The following IMPG1 variants were observed in gnomAD, a reference collection of about 807,000 sequenced individuals.
IMPG1 encodes the protein interphotoreceptor matrix proteoglycan of 150 kDa.
IMPG1 carries 85 observed loss-of-function variants against 92.0 expected under a neutral mutation model. The ratio of observed to expected loss-of-function variants is 0.92; its 90% CI spans 0.78 to 1.11. The LOEUF is 1.11. Among genes scored for constraint, IMPG1 ranks in the 50% least tolerant of loss-of-function variants. The pLI, the probability that IMPG1 is intolerant of heterozygous loss-of-function variation, is 0.00. For synonymous variants in IMPG1, 367 were observed against 334.1 expected, an observed-to-expected ratio of 1.10 and a Z score of -1.08; for missense variants, 1,022 against 956.0, an observed-to-expected ratio of 1.07 and a Z score of -0.91.
At chr6:75,948,923 C>A (rs1781978845) in intron 13 of IMPG1, among the ~76,000 whole-genome samples, 1 of 152,144 alleles carries the variant, frequency 6.6e-6, no homozygotes, top group Non-Finnish European at 1.5e-5. Context: ...AATGACCCAG[C>A]TTTGACCATG....
At chr6:75,964,406 C>G (rs1298013567) in intron 12 of IMPG1, among the ~76,000 whole-genome samples, 1 of 152,064 alleles carries the variant, frequency 6.6e-6, no homozygotes, top group Non-Finnish European at 1.5e-5. Flanking sequence ...AGGCTGGGCA[C>G]AGTGGCTCAC....
intron 12 of IMPG1, among the ~76,000 whole-genome samples, chr6:75,965,795 G>A (rs943915749): frequency 2.6e-5 from 4 of 151,842 alleles, no homozygotes; most frequent in African/African-American, 9.7e-5. Context: ...TTTTAGTAGA[G>A]ACAGGGTTTC....
At chr6:76,060,801 G>T (rs944847973) in intron 1 of IMPG1, among the ~76,000 whole-genome samples, 2 of 152,110 alleles carry the variant, frequency 1.3e-5, no homozygotes, top group Admixed American at 1.3e-4. Context: ...CGGTGTGGAT[G>T]GAGACCTCAC....
intron 1 of IMPG1, among the ~76,000 whole-genome samples, chr6:76,067,005 TAG>T (rs915798862): frequency 3.8e-4 from 58 of 151,088 alleles, no homozygotes; most frequent in African/African-American, 1.3e-3. Flanking sequence ...CTTACGAAAA[TAG>T]AGACACAACA....
intron 12 of IMPG1, among the ~76,000 whole-genome samples, chr6:75,957,013 G>A (rs1025476453): frequency 1.3e-5 from 2 of 152,022 alleles, no homozygotes; most frequent in Admixed American, 6.6e-5. Flanking sequence ...TCTGCCTCCC[G>A]GGTTTAAGCA....
At chr6:75,980,054 C>G (rs544531321) in intron 12 of IMPG1, among the ~76,000 whole-genome samples, 7 of 152,266 alleles carry the variant, frequency 4.6e-5, no homozygotes, top group African/African-American at 1.7e-4. Context: ...AAGAGTAGGT[C>G]TGATCAACTA....
intron 5 of IMPG1, 34 bp downstream of exon 5, chr6:76,025,160 A>C (rs377618493): frequency 1.9e-5 from 24 of 1,292,976 alleles, no homozygotes; most frequent in African/African-American, 2.9e-5. Flanking sequence ...TTTGAATGAA[A>C]GTTGAGAAGC....
rs896132475 is a variant in IMPG1 at position 76,071,006 on chromosome 6, T to G, written c.67+1416A>C. On this transcript the variant is annotated intron_variant, in intron 1 of 16. Transcript: ENST00000369950. ...AGTAACATGTTAGGATTTTTTATTA[T>G]GCAATTACTGGACATTGTTTCCTAG... Among the ~76,000 whole-genome samples, 4 of 151,896 alleles carry G rather than the reference T, an allele frequency of 2.6e-5. No homozygotes were observed. The East Asian group carries it at 5.8e-4, about 22-fold the overall frequency.
In IMPG1 at chr6:75,967,788, A is replaced by G. The variant is rs941334296; in HGVS notation, c.1292-16694T>C. Among the ~76,000 whole-genome samples, 8 of 152,246 alleles carry G rather than the reference A, an allele frequency of 5.3e-5. 1 individual carries two copies. Among genetic ancestry groups the G allele is most frequent in the African/African-American group, 1.9e-4 (8 of 41,460 alleles). On this transcript the variant is annotated intron_variant, in intron 12 of 16. Coordinates refer to ENST00000369950, the MANE Select transcript of IMPG1 (RefSeq NM_001563.4). ...TTTATTGCAGCTGATCACATAGCTG[A>G]AGACAAGGGAGCAAAGTTGTAAGTG...
chr6:75,997,079 T>G (rs984674259), intron 12 of IMPG1, among the ~76,000 whole-genome samples: 1 of 152,218 alleles, frequency 6.6e-6, no homozygotes, highest in Non-Finnish European at 1.5e-5. Context: ...GTACCAAATT[T>G]GAGAGTTGAA....
At chr6:75,961,295 G>A (rs1022090701) in intron 12 of IMPG1, among the ~76,000 whole-genome samples, 3 of 152,128 alleles carry the variant, frequency 2.0e-5, no homozygotes, top group African/African-American at 7.2e-5. Context: ...GGCATGACCA[G>A]CAAATTCTTA....
At chr6:75,949,626 A>T (rs1781990188) in intron 13 of IMPG1, among the ~76,000 whole-genome samples, 1 of 152,042 alleles carries the variant, frequency 6.6e-6, no homozygotes, top group Non-Finnish European at 1.5e-5. Context: ...CTTACGTGAG[A>T]TCCAAGAACC....
At chr6:75,966,932 C>G (rs899093436) in intron 12 of IMPG1, among the ~76,000 whole-genome samples, 1 of 152,168 alleles carries the variant, frequency 6.6e-6, no homozygotes, top group Non-Finnish European at 1.5e-5. Flanking sequence ...AATCCCAGCA[C>G]TTTGTGAGGC....
At chr6:76,022,989 T>A (rs1358905988) in intron 5 of IMPG1, among the ~76,000 whole-genome samples, 1 of 152,138 alleles carries the variant, frequency 6.6e-6, no homozygotes, top group African/African-American at 2.4e-5. Flanking sequence ...TACTGAAAAA[T>A]GATTCAATCT....
At chr6:76,013,970 C>T (rs1783236555) in intron 7 of IMPG1, among the ~76,000 whole-genome samples, 1 of 152,180 alleles carries the variant, frequency 6.6e-6, no homozygotes, top group Non-Finnish European at 1.5e-5. Flanking sequence ...GTTTCATTCC[C>T]TGAACATAAG....
chr6:76,059,402 CT>C (rs11428800), intron 1 of IMPG1, among the ~76,000 whole-genome samples: 3,913 of 149,894 alleles, frequency 0.026, 139 homozygotes, highest in African/African-American at 0.087. Flanking sequence ...GACGTTACAC[CT>C]TTTTTTTTTA....
At chr6:75,956,450 T>C (rs1562347437) in intron 12 of IMPG1, among the ~76,000 whole-genome samples, 1 of 152,228 alleles carries the variant, frequency 6.6e-6, no homozygotes, top group Non-Finnish European at 1.5e-5. Flanking sequence ...ATATCCCCTT[T>C]AGCATTTTTT....
chr6:75,983,013 T>A (rs1245889755), intron 12 of IMPG1, among the ~76,000 whole-genome samples: 1 of 151,920 alleles, frequency 6.6e-6, no homozygotes, highest in East Asian at 1.9e-4. Context: ...TAAGAGTTAG[T>A]GTAAAAAGAT....
intron 10 of IMPG1, among the ~76,000 whole-genome samples, chr6:76,004,286 A>C (rs925389867): frequency 1.3e-5 from 2 of 152,208 alleles, no homozygotes; most frequent in Non-Finnish European, 2.9e-5. Context: ...CTGATAAGAA[A>C]CAAAATGACT....
Sources: allele counts gnomAD v4.1 joint callset (sites outside exome capture counted in the v4.1 genomes callset), GRCh38; gene constraint gnomAD v4.1.1; transcripts MANE v1.5; gene names NCBI Gene and HGNC (gene_info 2026-07-23, HGNC 2026-07-21).